Variants in COPZ1 observed in about 807,000 individuals in gnomAD.
The protein encoded by COPZ1 is coatomer subunit zeta-1.
In COPZ1, 4 loss-of-function variants were observed where a neutral mutation model predicts 31.7. That is an observed-to-expected ratio of 0.13 (90% CI 0.06 to 0.29). The LOEUF is 0.29. Among genes scored for constraint, COPZ1 ranks in the 10% least tolerant of loss-of-function variants. The pLI is 1.00. For missense variants in COPZ1, 156 were observed against 211.5 expected (o/e 0.74, Z 1.63); for synonymous variants, 74 against 79.0 (o/e 0.94, Z 0.33).
chr12:54,347,043 G>A (rs1388725392), intron 5 of COPZ1, among the ~76,000 whole-genome samples: 1 of 152,158 alleles, frequency 6.6e-6, no homozygotes, highest in Non-Finnish European at 1.5e-5. Context: ...AGTGAACCCA[G>A]TACAGACAGC....
At chr12:54,333,024 T>G (rs941933666) in intron 1 of COPZ1, among the ~76,000 whole-genome samples, 18 of 151,900 alleles carry the variant, frequency 1.2e-4, no homozygotes, top group African/African-American at 4.1e-4. Context: ...TTTGAAATCA[T>G]AAAAAAATTA....
intron 2 of COPZ1, 102 bp downstream of exon 2, chr12:54,340,717 T>G (rs1045048815): frequency 8.2e-7 from 1 of 1,217,956 alleles, no homozygotes; most frequent in Admixed American, 2.5e-5. Flanking sequence ...CTCAGTAGTA[T>G]AATTTTGAGA....
intron 1 of COPZ1, 116 bp downstream of exon 1, chr12:54,325,297 G>A (rs1338706305): frequency 3.0e-6 from 4 of 1,331,204 alleles, no homozygotes; most frequent in East Asian, 2.5e-5. Context: ...GGGACTGAGC[G>A]TTCTGCTGAC....
chr12:54,326,653 GT>G, intron 1 of COPZ1, among the ~76,000 whole-genome samples: 1 of 147,684 alleles, frequency 6.8e-6, no homozygotes, highest in African/African-American at 2.5e-5. Flanking sequence ...GTGTGTGTGT[GT>G]GTGTGTGTGT....
chr12:54,330,000 C>G (rs1953721723), intron 1 of COPZ1, among the ~76,000 whole-genome samples: 1 of 152,136 alleles, frequency 6.6e-6, no homozygotes, highest in African/African-American at 2.4e-5. Flanking sequence ...TTACATTAAG[C>G]CCCTAAAGCA....
chr12:54,337,909 T>C (rs1318151791), intron 1 of COPZ1, among the ~76,000 whole-genome samples: 1 of 152,214 alleles, frequency 6.6e-6, no homozygotes, highest in Non-Finnish European at 1.5e-5. Context: ...TTTGATAATG[T>C]CTTCTAGGAA....
chr12:54,328,534 C>T (rs539099960), intron 1 of COPZ1, among the ~76,000 whole-genome samples: 1 of 152,344 alleles, frequency 6.6e-6, no homozygotes, highest in South Asian at 2.1e-4. Flanking sequence ...CACTGCACTC[C>T]AGCCTGGGTG....
At chr12:54,342,161 T>C in intron 2 of COPZ1, 45 bp from the exon 3 acceptor site, 1 of 1,390,834 alleles carries the variant, frequency 7.2e-7, no homozygotes, top group Non-Finnish European at 1.0e-6. Flanking sequence ...TCATTCTGGC[T>C]TCCAGCTCTA....
At chr12:54,334,942 G>A (rs1257545471) in intron 1 of COPZ1, among the ~76,000 whole-genome samples, 1 of 152,052 alleles carries the variant, frequency 6.6e-6, no homozygotes, top group Non-Finnish European at 1.5e-5. Context: ...GGGAGGCCGA[G>A]ACAGGCAGAT....
intron 1 of COPZ1, among the ~76,000 whole-genome samples, chr12:54,328,233 G>A (rs1420818115): frequency 8.4e-5 from 12 of 142,450 alleles, no homozygotes; most frequent in Non-Finnish European, 1.2e-4. Flanking sequence ...CCGAGATCGC[G>A]CCACTGCACT....
At chr12:54,327,191 G>A (rs1953671809) in intron 1 of COPZ1, among the ~76,000 whole-genome samples, 1 of 151,588 alleles carries the variant, frequency 6.6e-6, no homozygotes, top group Admixed American at 6.6e-5. Flanking sequence ...ATGTTTGCCA[G>A]GCTGGTCTAG....
At chr12:54,342,342 G>C (rs1419093832) in intron 3 of COPZ1, 55 bp downstream of exon 3, 11 of 1,318,134 alleles carry the variant, frequency 8.3e-6, no homozygotes, top group South Asian at 2.3e-5. Context: ...TGGTGGAAAG[G>C]GGGTGGTAAC....
At chr12:54,339,987 G>A (rs1479560105) in intron 1 of COPZ1, among the ~76,000 whole-genome samples, 1 of 104,452 alleles carries the variant, frequency 9.6e-6, no homozygotes, top group East Asian at 3.4e-4. Context: ...GTGCGTGTGT[G>A]TGTGTGTGTG....
chr12:54,341,486 A>G (rs2137103614), intron 2 of COPZ1, among the ~76,000 whole-genome samples: 1 of 152,338 alleles, frequency 6.6e-6, no homozygotes, highest in South Asian at 2.1e-4. Flanking sequence ...TTTAGAATTC[A>G]CCAGCTGTTC....
intron 1 of COPZ1, among the ~76,000 whole-genome samples, chr12:54,334,337 CT>C (rs1248639824): frequency 1.3e-5 from 2 of 152,134 alleles, no homozygotes; most frequent in African/African-American, 4.8e-5. Context: ...AGGAGAATTG[CT>C]GGAACCCGAG....
intron 1 of COPZ1, among the ~76,000 whole-genome samples, chr12:54,328,341 G>A (rs1693926969): frequency 6.6e-6 from 1 of 151,682 alleles, no homozygotes; most frequent in Non-Finnish European, 1.5e-5. Flanking sequence ...GGAGGCCGAG[G>A]TGGGCGGATC....
chr12:54,341,845 C>T lies in COPZ1; in HGVS notation c.88-361C>T, dbSNP rs113347711. On this transcript the variant is annotated intron_variant, in intron 2 of 8. Coordinates refer to ENST00000262061, the MANE Select transcript of COPZ1 (RefSeq NM_016057.3). ...CTGTGCTTCTAGTGTTTTTTGTGTT[C>T]TCTGGCACTGCTTCCTGACATGGGG... 2.7e-3 allele frequency among the ~76,000 whole-genome samples: 407 copies of T among 152,226 alleles called. 4 individuals are homozygous for T. The highest frequency in any genetic ancestry group is 9.0e-3 in the African/African-American group (372 of 41,540).
intron 7 of COPZ1, among the ~76,000 whole-genome samples, chr12:54,348,499 G>T (rs773081690): frequency 3.9e-5 from 6 of 152,122 alleles, no homozygotes; most frequent in Non-Finnish European, 7.4e-5. Flanking sequence ...AGCACTTTGG[G>T]AAGCCGAGGC....
At chr12:54,346,144 T>C (rs2137110877) in intron 5 of COPZ1, among the ~76,000 whole-genome samples, 1 of 152,160 alleles carries the variant, frequency 6.6e-6, no homozygotes, top group African/African-American at 2.4e-5. Flanking sequence ...CTGAGCATCC[T>C]CAAGGTGCTT....
Sources: allele counts gnomAD v4.1 joint callset (sites outside exome capture counted in the v4.1 genomes callset), GRCh38; gene constraint gnomAD v4.1.1; transcripts MANE v1.5; gene names NCBI Gene and HGNC (gene_info 2026-07-23, HGNC 2026-07-21).